Variants in HDAC5 observed in about 807,000 individuals in gnomAD.
HDAC5 encodes antigen NY-CO-9.
Under a neutral mutation model 133.3 loss-of-function variants are expected in HDAC5, and 25 were observed. That is an observed-to-expected ratio of 0.19 (90% CI 0.14 to 0.26). The LOEUF (loss-of-function observed/expected upper bound fraction) is 0.26. Among genes scored for constraint, HDAC5 ranks in the 10% least tolerant of loss-of-function variants. The pLI is 1.00. For missense variants in HDAC5, 1,041 were observed against 1,460.5 expected (o/e 0.71, Z 4.68); for synonymous variants, 589 against 610.8 (o/e 0.96, Z 0.53).
chr17:44,092,925 A>G, intron 6 of HDAC5, 119 bp from the exon 7 acceptor site: 1 of 652,030 alleles, frequency 1.5e-6, no homozygotes, highest in Non-Finnish European at 2.6e-6. Context: ...GAGGACGTGG[A>G]TCTTGGGGAA....
chr17:44,091,687 G>A lies in HDAC5; in HGVS notation c.1164+13C>T. Reference sequence around the variant, plus strand: ...ACACCAGAGGGAAGATGGGGTATATGCCCTGTACTTACAGTGAGGTGTGAG... The same window carrying A: ...ACACCAGAGGGAAGATGGGGTATATACCCTGTACTTACAGTGAGGTGTGAG... On this transcript the variant is annotated intron_variant, in intron 10 of 26. Transcript: ENST00000682912. 6.5e-7 allele frequency: 1 copy of A among 1,549,072 alleles called. No individual in the cohort carries two copies. The highest frequency in any genetic ancestry group is 8.7e-7 in the Non-Finnish European group (1 of 1,149,304).
chr17:44,115,009 G>A (rs1006370056), intron 2 of HDAC5, among the ~76,000 whole-genome samples: 3 of 152,160 alleles, frequency 2.0e-5, no homozygotes, highest in Admixed American at 6.5e-5. Context: ...GGCCCCAGAA[G>A]GAAATCACTC....
intron 3 of HDAC5, among the ~76,000 whole-genome samples, chr17:44,100,578 CAAAAAAAAA>C (rs869274112): frequency 2.9e-4 from 26 of 89,374 alleles, no homozygotes; most frequent in African/African-American, 1.1e-3. Context: ...ACTAAAGATA[CAAAAAAAAA>C]AAAAAAAAAA....
intron 1 of HDAC5, among the ~76,000 whole-genome samples, chr17:44,122,601 G>A (rs892552256): frequency 3.3e-5 from 5 of 152,050 alleles, no homozygotes; most frequent in Non-Finnish European, 7.4e-5. Flanking sequence ...GTATCAAGTG[G>A]TCATCTCCTC....
chr17:44,097,128 A>G (rs1451211541), intron 3 of HDAC5, among the ~76,000 whole-genome samples: 2 of 152,344 alleles, frequency 1.3e-5, no homozygotes, highest in East Asian at 3.9e-4. Flanking sequence ...CTCTCCAGAG[A>G]ACCTAGCACT....
chr17:44,103,562 G>A (rs1263070588), intron 3 of HDAC5, among the ~76,000 whole-genome samples: 6 of 152,156 alleles, frequency 3.9e-5, no homozygotes, highest in Non-Finnish European at 5.9e-5. Context: ...AGGCTCGGGA[G>A]AATGTACGCG....
At position 44,086,726 on chromosome 17, in the gene HDAC5, A is replaced by G. The variant is rs1340126452; in HGVS notation, c.1896T>C (p.Asp632=). 17 of 1,296,152 alleles carry G rather than the reference A, an allele frequency of 1.3e-5. No homozygotes were observed. In the South Asian group the frequency reaches 2.4e-4, roughly 19 times the overall value. The allele number at this position is 1,296,152 out of a possible 1,614,324, so 80.3% of individuals were successfully genotyped here. A position where few individuals can be genotyped will look rare whatever the true frequency, so the allele number is the denominator to read the frequency against. ...CCTGCAAAGGCTGCAGCGGCTGGGC[A>G]TCTGAGAACAGCTGGAGGGGAGAAT... ...PGAGYKKLFS[D]AQPLQPLQVY... Residue 632 remains aspartate (D), a synonymous_variant, in exon 14 of 27, where the codon GAT becomes GAC. Transcript: ENST00000682912.
chr17:44,114,384 G>A (rs1416550252), intron 2 of HDAC5, among the ~76,000 whole-genome samples: 1 of 152,198 alleles, frequency 6.6e-6, no homozygotes, highest in Non-Finnish European at 1.5e-5. Context: ...CGAGGTTCCT[G>A]GCTCCACCCC....
At position 44,117,818 on chromosome 17, in the gene HDAC5, C is replaced by T. The variant is rs995619102; in HGVS notation, c.-189-114G>A. On this transcript the variant is annotated intron_variant, in intron 1 of 26. Coordinates refer to ENST00000682912, the MANE Select transcript of HDAC5 (RefSeq NM_005474.5). The surrounding 1 kb of genome is among the most constrained non-coding windows in gnomAD (Gnocchi z 4.2). ...GGATGAGGGATGAGAGGGAGGGATA[C>T]CTGCCCACAGCCACAGGAGAAATCT... 1.8e-6 allele frequency: 1 copy of T among 562,656 alleles called. No homozygotes were observed. The highest frequency in any genetic ancestry group is 3.1e-5 in the Admixed American group (1 of 32,198). 34.9% of individuals were successfully genotyped at this position (562,656 alleles called of 1,614,324 possible).
chr17:44,109,583 G>A (rs1227463401), intron 3 of HDAC5, among the ~76,000 whole-genome samples: 1 of 152,238 alleles, frequency 6.6e-6, no homozygotes, highest in African/African-American at 2.4e-5. Flanking sequence ...CCCTGCCTGG[G>A]CAGATGATAA....
chr17:44,082,718 T>G, intron 19 of HDAC5, 46 bp from the exon 20 acceptor site: 2 of 1,610,950 alleles, frequency 1.2e-6, no homozygotes, highest in Non-Finnish European at 1.7e-6. Flanking sequence ...AGCATGACGT[T>G]TGCAAGAGAC....
At chr17:44,105,047 A>G (rs1419470531) in intron 3 of HDAC5, among the ~76,000 whole-genome samples, 1 of 152,236 alleles carries the variant, frequency 6.6e-6, no homozygotes, top group East Asian at 1.9e-4. Context: ...AAGGAGATGG[A>G]GGACCCAGGG....
chr17:44,120,945 C>T (rs928094317), intron 1 of HDAC5, among the ~76,000 whole-genome samples: 3 of 151,874 alleles, frequency 2.0e-5, no homozygotes, highest in Non-Finnish European at 4.4e-5. Context: ...ACTTGGATGT[C>T]CAGGCCCCAA....
chr17:44,089,849 T>G (rs2050851449), intron 11 of HDAC5, among the ~76,000 whole-genome samples: 1 of 145,232 alleles, frequency 6.9e-6, no homozygotes, highest in Non-Finnish European at 1.5e-5. Context: ...GCTTGAAGCT[T>G]GAACCCAGGA....
In HDAC5 at chr17:44,093,141, G is replaced by A. The variant is rs1218892492; in HGVS notation, c.592C>T (p.Pro198Ser). ...QEFLLSKSKEPTPGGLNHSLP... is the reference protein window; with the variant it reads ...QEFLLSKSKESTPGGLNHSLP... ...GAATGGTTGAGGCCGCCTGGTGTGG[G>A]CTCCTTTGACTTCGACAAGAGGAAT... Residue 198 changes from proline to serine, a missense_variant, in exon 6 of 27, where the codon CCC becomes TCC. This residue lies in a region of HDAC5 where 109 missense variants were observed against 168.0 expected (regional missense o/e 0.65). Transcript: ENST00000682912. 3 of 1,613,688 alleles carry A rather than the reference G, an allele frequency of 1.9e-6. No individual in the cohort carries two copies. The East Asian group carries it at 6.7e-5, about 36-fold the overall frequency.
At chr17:44,095,047 A>G (rs1003516663) in intron 3 of HDAC5, among the ~76,000 whole-genome samples, 5 of 152,116 alleles carry the variant, frequency 3.3e-5, no homozygotes, top group African/African-American at 1.2e-4. Context: ...CTCCCACCTC[A>G]GCCTCCCAAA....
At chr17:44,098,739 T>TTA (rs1555547157) in intron 3 of HDAC5, among the ~76,000 whole-genome samples, 2 of 123,804 alleles carry the variant, frequency 1.6e-5, no homozygotes, top group East Asian at 2.3e-4. Context: ...AGACCCTATC[T>TTA]AAAAAAAAAA....
chr17:44,085,072 G>C lies in HDAC5; in HGVS notation c.2134C>G (p.Gln712Glu), dbSNP rs1254327508. Residue 712 changes from glutamine (Q) to glutamate (E), a missense_variant, in exon 15 of 27, where the codon CAG (glutamine) becomes GAG (glutamate). Transcript: ENST00000682912. ...HVHPEHAGRI[Q>E]SIWSRLQETG... ...TCCTGCAGCCGGGACCAGATGCTCT[G>C]GATCCGGCCAGCATGCTCAGGGTGC... The C allele has an allele frequency of 6.2e-7, 1 of 1,600,756 alleles. No homozygotes were observed. The highest frequency in any genetic ancestry group is 8.6e-7 in the Non-Finnish European group (1 of 1,168,938).
chr17:44,091,270 C>G lies in HDAC5; in HGVS notation c.1387G>C (p.Val463Leu). ...CTTGCACAGCTACCTGTCCACTCAC[C>G]AGCAATGAGGGTGCTCTGCTGCCGG... ...QARQQSTLIA[V>L]PLHGQSPLVT... Residue 463 changes from valine (V) to leucine (L), a missense_variant and splice_region_variant, in exon 11 of 27, where the codon GTG becomes CTG. Physicochemically the swap from Val to Leu is conservative, Grantham distance 32 (BLOSUM62 1). This residue lies in a region of HDAC5 where 433 missense variants were observed against 531.6 expected (regional missense o/e 0.81). Coordinates refer to ENST00000682912, the MANE Select transcript of HDAC5 (RefSeq NM_005474.5). 6.2e-7 allele frequency: 1 copy of G among 1,609,020 alleles called. No homozygotes were observed. Among genetic ancestry groups the G allele is most frequent in the Non-Finnish European group, 8.5e-7 (1 of 1,178,184 alleles).
Sources: allele counts gnomAD v4.1 joint callset (sites outside exome capture counted in the v4.1 genomes callset), GRCh38; gene constraint gnomAD v4.1.1; regional missense constraint gnomAD v4.1.1; non-coding constraint Gnocchi (gnomAD v3.1); transcripts MANE v1.5; gene names NCBI Gene and HGNC (gene_info 2026-07-23, HGNC 2026-07-21).